Variants in SLCO1B1 observed in about 807,000 individuals in gnomAD.
SLCO1B1 encodes solute carrier organic anion transporter family member 1B1, also known as OATP-2.
A neutral mutation model predicts 70.1 loss-of-function variants in SLCO1B1; 81 were observed. That is an observed-to-expected ratio of 1.16 (90% CI 0.97 to 1.39). The LOEUF (loss-of-function observed/expected upper bound fraction) is 1.39. SLCO1B1 is among the 40% of genes most tolerant of loss of function. The pLI, the probability that SLCO1B1 is intolerant of heterozygous loss-of-function variation, is 0.00. For synonymous variants in SLCO1B1, 283 were observed against 271.5 expected (o/e 1.04, Z -0.42); for missense variants, 895 against 799.6 (o/e 1.12, Z -1.44).
intron 1 of SLCO1B1, among the ~76,000 whole-genome samples, chr12:21,132,314 A>G (rs1412228594): frequency 6.6e-6 from 1 of 152,116 alleles, no homozygotes; most frequent in Non-Finnish European, 1.5e-5. Context: ...ATGTGTCTTT[A>G]TAGCAGCATG....
At chr12:21,232,502 C>G (rs1448714594) in intron 14 of SLCO1B1, among the ~76,000 whole-genome samples, 1 of 152,132 alleles carries the variant, frequency 6.6e-6, no homozygotes, top group Non-Finnish European at 1.5e-5. Flanking sequence ...CCGACCAGCC[C>G]AAGAGGCTGG....
chr12:21,220,072 T>C (rs1941405013), intron 12 of SLCO1B1, among the ~76,000 whole-genome samples: 1 of 152,196 alleles, frequency 6.6e-6, no homozygotes, highest in Non-Finnish European at 1.5e-5. Context: ...TTGTTTTATT[T>C]TTTAATGCAA....
chr12:21,198,838 T>C (rs1019088258), intron 8 of SLCO1B1, among the ~76,000 whole-genome samples: 1 of 152,110 alleles, frequency 6.6e-6, no homozygotes. Flanking sequence ...TTATTAATGA[T>C]ATATAGTAGA....
At chr12:21,207,646 TTGGG>T (rs1387592371) in intron 11 of SLCO1B1, among the ~76,000 whole-genome samples, 1 of 152,034 alleles carries the variant, frequency 6.6e-6, no homozygotes. Context: ...TTATTTTCCT[TTGGG>T]TATATACCCG....
At chr12:21,134,216 G>T (rs1305844858) in intron 1 of SLCO1B1, among the ~76,000 whole-genome samples, 1 of 152,194 alleles carries the variant, frequency 6.6e-6, no homozygotes, top group Non-Finnish European at 1.5e-5. Context: ...TTTTTGATGT[G>T]CTGTTGGATT....
At position 21,197,059 on chromosome 12, in the gene SLCO1B1, C is replaced by G. The variant is rs757008718; in HGVS notation, c.841C>G (p.Gln281Glu). 4.3e-6 allele frequency: 7 copies of G among 1,613,542 alleles called. No homozygotes were observed. Among genetic ancestry groups the G allele is most frequent in the Non-Finnish European group, 5.9e-6 (7 of 1,179,752 alleles). ...TTCCATACCATTCTTTTTCTTGCCC[C>G]AAACTCCAAATAAACCACAAAAAGA... ...ISSIPFFFLP[Q>E]TPNKPQKERK... The change falls in exon 8 of 15, where the codon CAA (glutamine) becomes GAA (glutamate). Residue 281 changes from glutamine (Q) to glutamate (E), a missense_variant. By Grantham distance (29) the Gln-to-Glu change is conservative (BLOSUM62 2). Coordinates refer to ENST00000256958, the MANE Select transcript of SLCO1B1 (RefSeq NM_006446.5).
chr12:21,194,718 T>C (rs1801770049), intron 7 of SLCO1B1, among the ~76,000 whole-genome samples: 1 of 152,202 alleles, frequency 6.6e-6, no homozygotes, highest in Admixed American at 6.5e-5. Flanking sequence ...GTCCCACTTC[T>C]TGGTAACAAT....
chr12:21,165,448 A>G (rs1302359435), intron 2 of SLCO1B1, among the ~76,000 whole-genome samples: 1 of 152,146 alleles, frequency 6.6e-6, no homozygotes, highest in East Asian at 1.9e-4. Flanking sequence ...AAAACGTCTG[A>G]GAAGATTGTA....
At chr12:21,209,636 T>C (rs1310446131) in intron 11 of SLCO1B1, among the ~76,000 whole-genome samples, 2 of 152,036 alleles carry the variant, frequency 1.3e-5, no homozygotes, top group East Asian at 3.9e-4. Context: ...ATCGCCACAC[T>C]GACTTCCACA....
chr12:21,229,622 C>T (rs1176397381), intron 14 of SLCO1B1, among the ~76,000 whole-genome samples: 1 of 152,084 alleles, frequency 6.6e-6, no homozygotes, highest in African/African-American at 2.4e-5. Flanking sequence ...TATATATTCA[C>T]CTACTGAGGG....
chr12:21,199,252 A>C lies in SLCO1B1; in HGVS notation c.971-1256A>C, dbSNP rs7136150. 7.8e-3 allele frequency among the ~76,000 whole-genome samples: 1,188 copies of C among 152,140 alleles called. 14 individuals are homozygous for C. The highest frequency in any genetic ancestry group is 0.027 in the African/African-American group (1,109 of 41,540). ...AATATTTCAAAGTCCGTATCATCCA[A>C]CTCTCAGTAACCATATCTTGGCTCT... On this transcript the variant is annotated intron_variant, in intron 8 of 14. Transcript: ENST00000256958.
intron 2 of SLCO1B1, among the ~76,000 whole-genome samples, chr12:21,146,199 G>C (rs903146269): frequency 6.6e-6 from 1 of 151,664 alleles, no homozygotes; most frequent in Non-Finnish European, 1.5e-5. Flanking sequence ...TCAATATATT[G>C]GTCTATTTTA....
chr12:21,179,173 G>T (rs184488851), intron 7 of SLCO1B1, among the ~76,000 whole-genome samples, 153 bp downstream of exon 7: 247 of 152,144 alleles, frequency 1.6e-3, no homozygotes, highest in African/African-American at 5.8e-3. Context: ...TTACTAATCA[G>T]AATAAATATA....
intron 3 of SLCO1B1, 35 bp downstream of exon 3, chr12:21,172,826 G>A (rs200919323): frequency 6.3e-7 from 1 of 1,585,872 alleles, no homozygotes; most frequent in Non-Finnish European, 8.6e-7. Context: ...AACCAAACTT[G>A]CAAAGTTAAA....
chr12:21,177,993 T>G (rs780148566), intron 5 of SLCO1B1, among the ~76,000 whole-genome samples: 1 of 152,166 alleles, frequency 6.6e-6, no homozygotes, highest in Non-Finnish European at 1.5e-5. Flanking sequence ...CTAGAAGATA[T>G]ATAAAAAAGC....
At chr12:21,151,212 AT>A (rs974995182) in intron 2 of SLCO1B1, among the ~76,000 whole-genome samples, 1 of 152,206 alleles carries the variant, frequency 6.6e-6, no homozygotes, top group Non-Finnish European at 1.5e-5. Context: ...TAAAGTAAAA[AT>A]ATGGTATTAT....
At chr12:21,165,153 A>G (rs1016625988) in intron 2 of SLCO1B1, among the ~76,000 whole-genome samples, 3 of 152,166 alleles carry the variant, frequency 2.0e-5, no homozygotes, top group African/African-American at 7.2e-5. Context: ...AACTATTGCC[A>G]TAATAAATTA....
At chr12:21,206,161 C>A in intron 11 of SLCO1B1, 128 bp downstream of exon 11, 2 of 798,402 alleles carry the variant, frequency 2.5e-6, no homozygotes, top group Non-Finnish European at 4.1e-6. Context: ...CCAGTATTAT[C>A]TGTTATTGTG....
chr12:21,156,554 A>G (rs1381369420), intron 2 of SLCO1B1, among the ~76,000 whole-genome samples: 1 of 152,180 alleles, frequency 6.6e-6, no homozygotes, highest in African/African-American at 2.4e-5. Flanking sequence ...ATTGTTAAAG[A>G]TAGAATTGCC....
Sources: allele counts gnomAD v4.1 joint callset (sites outside exome capture counted in the v4.1 genomes callset), GRCh38; gene constraint gnomAD v4.1.1; transcripts MANE v1.5; gene names NCBI Gene and HGNC (gene_info 2026-07-23, HGNC 2026-07-21).